The following OPCML variants were observed in gnomAD, a reference collection of about 807,000 sequenced individuals.
OPCML encodes opioid binding protein/cell adhesion molecule like, also known as opioid-binding protein/cell adhesion molecule.
In OPCML, 13 loss-of-function variants were observed where a neutral mutation model predicts 37.8. That is an observed-to-expected ratio of 0.34 (90% CI 0.22 to 0.55). The LOEUF is 0.55. OPCML is among the 20% of genes least tolerant of loss of function. The pLI is 0.91. For missense variants in OPCML, 341 were observed against 435.6 expected (o/e 0.78, Z 1.93); for synonymous variants, 176 against 168.8 (o/e 1.04, Z -0.33).
At chr11:133,027,475 G>A (rs1329595731) in intron 1 of OPCML, among the ~76,000 whole-genome samples, 1 of 116,790 alleles carries the variant, frequency 8.6e-6, no homozygotes, top group Non-Finnish European at 1.6e-5. Context: ...TATGTAGTGT[G>A]TGTGTGTGTG....
intron 1 of OPCML, among the ~76,000 whole-genome samples, chr11:133,224,014 G>A (rs957607747): frequency 1.3e-5 from 2 of 152,188 alleles, no homozygotes; most frequent in African/African-American, 4.8e-5. Flanking sequence ...GTGTGGTGGT[G>A]ATGGTAGGGA....
At chr11:132,824,739 G>A (rs539784757) in intron 2 of OPCML, among the ~76,000 whole-genome samples, 19 of 152,080 alleles carry the variant, frequency 1.2e-4, no homozygotes, top group Non-Finnish European at 1.3e-4. Context: ...ACAACTTCCC[G>A]TGGCTGTAAA....
intron 1 of OPCML, among the ~76,000 whole-genome samples, chr11:133,463,119 C>CAAAA (rs558107695): frequency 2.2e-4 from 11 of 49,888 alleles, no homozygotes; most frequent in African/African-American, 4.1e-4. Flanking sequence ...ACATCAGGCT[C>CAAAA]AAAAAAAAAA....
intron 2 of OPCML, among the ~76,000 whole-genome samples, chr11:132,837,375 G>A (rs906543965): frequency 6.6e-6 from 1 of 152,084 alleles, no homozygotes; most frequent in African/African-American, 2.4e-5. Flanking sequence ...ATCCTAAGAA[G>A]AGAAGAGACT....
chr11:132,421,819 C>A (rs2095960230), intron 7 of OPCML, among the ~76,000 whole-genome samples: 1 of 152,134 alleles, frequency 6.6e-6, no homozygotes, highest in African/African-American at 2.4e-5. Flanking sequence ...GCAGTCCTGG[C>A]ACACATCCTG....
intron 1 of OPCML, among the ~76,000 whole-genome samples, chr11:132,956,618 G>A (rs1005926963): frequency 2.6e-5 from 4 of 152,116 alleles, no homozygotes; most frequent in African/African-American, 9.7e-5. Context: ...CTGCTGGGCT[G>A]TATGCATCCT....
chr11:133,414,716 C>G (rs968312866), intron 1 of OPCML, among the ~76,000 whole-genome samples: 1 of 152,082 alleles, frequency 6.6e-6, no homozygotes, highest in African/African-American at 2.4e-5. Context: ...TCACAAATCC[C>G]CCGTTCCCAG....
intron 1 of OPCML, among the ~76,000 whole-genome samples, chr11:133,512,421 C>G (rs1333929200): frequency 1.3e-5 from 2 of 152,202 alleles, no homozygotes; most frequent in African/African-American, 2.4e-5. Context: ...AGCCTCGGCA[C>G]CATCCTCCAG....
intron 4 of OPCML, among the ~76,000 whole-genome samples, chr11:132,512,473 A>T (rs79191482): frequency 0.2 from 30,286 of 151,910 alleles, 3,105 homozygotes; most frequent in Non-Finnish European, 0.22. Context: ...CCAACTGGCA[A>T]ATGAGTAAAC....
At chr11:133,157,289 T>C (rs1308894591) in intron 1 of OPCML, among the ~76,000 whole-genome samples, 2 of 152,166 alleles carry the variant, frequency 1.3e-5, no homozygotes, top group African/African-American at 4.8e-5. Flanking sequence ...ACTTTTGCCC[T>C]ATCGAGTTTG....
At chr11:133,415,003 C>T (rs1368053946) in intron 1 of OPCML, among the ~76,000 whole-genome samples, 1 of 152,172 alleles carries the variant, frequency 6.6e-6, no homozygotes, top group African/African-American at 2.4e-5. Context: ...CTCAATTCAA[C>T]AAGACAACAA....
chr11:132,704,807 A>G (rs1156528814), intron 2 of OPCML, among the ~76,000 whole-genome samples: 1 of 152,236 alleles, frequency 6.6e-6, no homozygotes, highest in Non-Finnish European at 1.5e-5. Flanking sequence ...TACAGAAAAT[A>G]CCATTTACAA....
At chr11:132,550,173 G>C (rs1202700545) in intron 3 of OPCML, among the ~76,000 whole-genome samples, 1 of 152,112 alleles carries the variant, frequency 6.6e-6, no homozygotes, top group African/African-American at 2.4e-5. Flanking sequence ...ATGGCTCCTA[G>C]GAACAATTAA....
rs560196946 is a variant in OPCML, at chr11:132,434,608, T to G, written c.916+1478A>C. On this transcript the variant is annotated intron_variant, in intron 7 of 7. Coordinates refer to ENST00000524381, the MANE Select transcript of OPCML (RefSeq NM_001012393.5). ...CTTTCACTTACCTGTAAAATGGGGTTAATAACCTGCCTTGCACAGCCCTGA... is the reference window on the plus strand; with the variant it reads ...CTTTCACTTACCTGTAAAATGGGGTGAATAACCTGCCTTGCACAGCCCTGA... Among the ~76,000 whole-genome samples, 29 of 152,196 alleles carry G rather than the reference T, an allele frequency of 1.9e-4. 1 individual carries two copies. Among genetic ancestry groups the G allele is most frequent in the Non-Finnish European group, 2.5e-4 (17 of 68,028 alleles).
chr11:133,082,944 C>A (rs1387300106), intron 1 of OPCML, among the ~76,000 whole-genome samples: 1 of 150,692 alleles, frequency 6.6e-6, no homozygotes, highest in Non-Finnish European at 1.5e-5. Context: ...GGACGTCGCG[C>A]CAGTGCCTCG....
rs897364042 is a variant in OPCML at position 132,596,585 on chromosome 11, T to A, written c.379+60502A>T. 2.7e-4 allele frequency among the ~76,000 whole-genome samples: 41 copies of A among 152,134 alleles called. 1 individual carries two copies. Among genetic ancestry groups the A allele is most frequent in the African/African-American group, 9.7e-4 (40 of 41,442 alleles). ...TCTAAGGACCTACTCTGTCAAGGGT[T>A]GTGTTGTGTTTGTGTGAAACAGTTT... On this transcript the variant is annotated intron_variant, in intron 3 of 7. Coordinates refer to ENST00000524381, the MANE Select transcript of OPCML (RefSeq NM_001012393.5).
At chr11:132,587,440 T>C (rs1185974708) in intron 3 of OPCML, among the ~76,000 whole-genome samples, 1 of 152,166 alleles carries the variant, frequency 6.6e-6, no homozygotes, top group Non-Finnish European at 1.5e-5. Flanking sequence ...AAAGCCATAG[T>C]CAGAGGACAC....
chr11:132,422,710 G>A (rs1024294187), intron 7 of OPCML, among the ~76,000 whole-genome samples: 1 of 152,338 alleles, frequency 6.6e-6, no homozygotes, highest in South Asian at 2.1e-4. Flanking sequence ...AGAGCAGTTA[G>A]ACATCTTAGC....
intron 1 of OPCML, among the ~76,000 whole-genome samples, chr11:133,386,818 A>T (rs1409236558): frequency 1.3e-5 from 2 of 152,164 alleles, no homozygotes; most frequent in African/African-American, 4.8e-5. Context: ...CTGGGAGCGA[A>T]AACTGGCAGT....
Sources: gnomAD v4.1 joint callset for allele counts (sites outside exome capture counted in the v4.1 genomes callset) on GRCh38, gnomAD v4.1.1 for gene constraint, MANE v1.5 for transcripts, NCBI Gene and HGNC (gene_info 2026-07-23, HGNC 2026-07-21) for gene names.